The following SSH2 variants were observed in gnomAD, a reference collection of about 807,000 sequenced individuals.
The protein encoded by SSH2 is protein phosphatase Slingshot homolog 2.
SSH2 carries 37 observed loss-of-function variants against 135.2 expected under a neutral mutation model. The observed-to-expected ratio is 0.27, with a 90% CI of 0.21 to 0.36. The LOEUF is 0.36. Ranked by LOEUF, SSH2 falls within the 10% of genes least tolerant of loss-of-function variation. SSH2 has a pLI of 1.00. For synonymous variants in SSH2, 628 were observed against 646.2 expected (o/e 0.97, Z 0.43); for missense variants, 1,408 against 1,765.3 (o/e 0.80, Z 3.63).
intron 1 of SSH2, among the ~76,000 whole-genome samples, chr17:29,913,633 T>C (rs1255230072): frequency 6.6e-6 from 1 of 150,892 alleles, no homozygotes; most frequent in African/African-American, 2.4e-5. Flanking sequence ...TATATTTCTT[T>C]CTTTTTTCTT....
intron 14 of SSH2, chr17:29,640,773 G>A (rs2036125197): frequency 6.6e-6 from 1 of 152,050 alleles, no homozygotes; most frequent in Non-Finnish European, 1.5e-5. Context: ...CCCTACTCAA[G>A]GGTAACCTCC....
At chr17:29,739,251 T>C (rs1230044460) in intron 3 of SSH2, among the ~76,000 whole-genome samples, 11 of 152,154 alleles carry the variant, frequency 7.2e-5, no homozygotes, top group Non-Finnish European at 1.6e-4. Flanking sequence ...CCACTATCTA[T>C]TTAACTTCAC....
chr17:29,774,959 C>T lies in SSH2; in HGVS notation c.188+18935G>A, dbSNP rs554120826. On this transcript the variant is annotated intron_variant, in intron 3 of 15. Coordinates refer to ENST00000540801, the MANE Select transcript of SSH2 (RefSeq NM_001282129.2). The stretch of plus-strand genomic sequence containing the variant: ...CCATTTGCTCGCAGTATCCTATACT[C>T]GTTGTGCTCTCACTGCAGTTCCCTT... 3.9e-5 allele frequency among the ~76,000 whole-genome samples: 6 copies of T among 152,288 alleles called. No individual in the cohort carries two copies. The East Asian group carries it at 9.6e-4, about 24-fold the overall frequency.
chr17:29,928,806 C>T (rs920960434), intron 1 of SSH2, among the ~76,000 whole-genome samples: 1 of 113,982 alleles, frequency 8.8e-6, no homozygotes, highest in African/African-American at 2.8e-5. Context: ...TAAGGGTAAC[C>T]TGATGATTTT....
rs774967531 is a variant in SSH2 at position 29,667,102 on chromosome 17, GAACA to G, written c.903+24_903+27del. On this transcript the variant is annotated intron_variant, in intron 10 of 15. Transcript: ENST00000540801. Reference sequence around the variant, plus strand: ...TACTGTTATCCCACTGCTAGCCTTGGAACAAACAAGGACTCAAGGTCTCTTACCT... The same window carrying G: ...TACTGTTATCCCACTGCTAGCCTTGGAACAAGGACTCAAGGTCTCTTACCT... 5 of 1,602,914 alleles carry G rather than the reference GAACA, an allele frequency of 3.1e-6. No individual in the cohort carries two copies. In the African/African-American group the frequency reaches 6.7e-5, roughly 21 times the overall value.
intron 6 of SSH2, among the ~76,000 whole-genome samples, chr17:29,679,009 C>T (rs999664945): frequency 1.3e-5 from 2 of 152,114 alleles, no homozygotes; most frequent in African/African-American, 4.8e-5. Flanking sequence ...AGCCACTGCA[C>T]CCGGCCTAAA....
In SSH2 at chr17:29,724,549, A is replaced by AAAAC. The variant is rs756909002; in HGVS notation, c.189-21488_189-21487insGTTT. 2.7e-5 allele frequency among the ~76,000 whole-genome samples: 4 copies of AAAAC among 148,160 alleles called. No homozygotes were observed. In the East Asian group the frequency reaches 5.8e-4, roughly 22 times the overall value. On this transcript the variant is annotated intron_variant, in intron 3 of 15. Transcript: ENST00000540801. ...GTCTCAAAAAAAAAAAAAAAAAACA[A>AAAAC]AACCCTATTCTAAGGACCCAGATTA...
rs770934029 is a variant in SSH2, at chr17:29,632,755, A to C, written c.2439T>G (p.His813Gln). The stretch of plus-strand genomic sequence containing the variant: ...TCTGGGCCCTCTCAAGGAGCAGCTC[A>C]TGGATGCTGTTCTTCTTTGGTGTAT... Reference protein sequence around the residue: ...PCHTPKKNSIHELLLERAQTP... With the variant: ...PCHTPKKNSIQELLLERAQTP... Residue 813 changes from histidine to glutamine, a missense_variant, in exon 16 of 16, where the codon CAT (histidine) becomes CAG (glutamine). By Grantham distance (24) the His-to-Gln change is conservative (BLOSUM62 0). This residue lies in a region of SSH2 where 1,080 missense variants were observed against 1,144.5 expected (regional missense o/e 0.94). Coordinates refer to ENST00000540801, the MANE Select transcript of SSH2 (RefSeq NM_001282129.2). 9 of 1,614,200 alleles carry C rather than the reference A, an allele frequency of 5.6e-6. No individual in the cohort carries two copies. The highest frequency in any genetic ancestry group is 7.6e-6 in the Non-Finnish European group (9 of 1,180,024).
intron 3 of SSH2, among the ~76,000 whole-genome samples, chr17:29,777,350 T>A (rs1163652852): frequency 1.3e-5 from 2 of 152,176 alleles, no homozygotes; most frequent in Non-Finnish European, 2.9e-5. Flanking sequence ...ACATACATAC[T>A]TATGGATTAT....
At chr17:29,924,467 G>T (rs1178312030) in intron 1 of SSH2, among the ~76,000 whole-genome samples, 1 of 152,094 alleles carries the variant, frequency 6.6e-6, no homozygotes, top group South Asian at 2.1e-4. Flanking sequence ...AATCCTGATC[G>T]CTTAAATCAA....
At chr17:29,921,243 A>C (rs1318815319) in intron 1 of SSH2, among the ~76,000 whole-genome samples, 1 of 152,206 alleles carries the variant, frequency 6.6e-6, no homozygotes, top group Non-Finnish European at 1.5e-5. Flanking sequence ...TGCTTACGCC[A>C]CAGGAGTGAT....
At chr17:29,884,959 G>C (rs148536606) in intron 1 of SSH2, among the ~76,000 whole-genome samples, 9 of 152,218 alleles carry the variant, frequency 5.9e-5, no homozygotes, top group African/African-American at 1.9e-4. Flanking sequence ...GGTTACCTGT[G>C]GATGCTTGTA....
chr17:29,713,321 C>T (rs1265043097), intron 3 of SSH2, among the ~76,000 whole-genome samples: 3 of 152,042 alleles, frequency 2.0e-5, no homozygotes, highest in Non-Finnish European at 2.9e-5. Context: ...GGCAACAGAG[C>T]GAGACAGTGT....
chr17:29,739,487 T>C (rs2040485347), intron 3 of SSH2, among the ~76,000 whole-genome samples: 1 of 152,214 alleles, frequency 6.6e-6, no homozygotes, highest in Non-Finnish European at 1.5e-5. Context: ...TGATTCTATA[T>C]ATAAGGATCA....
intron 1 of SSH2, among the ~76,000 whole-genome samples, chr17:29,875,874 C>G (rs1376644557): frequency 1.3e-5 from 2 of 151,510 alleles, no homozygotes. Flanking sequence ...AATCTATGTA[C>G]TGCTCCCTAG....
At chr17:29,838,676 C>T (rs988698939) in intron 2 of SSH2, among the ~76,000 whole-genome samples, 13 of 152,076 alleles carry the variant, frequency 8.5e-5, no homozygotes, top group African/African-American at 2.7e-4. Context: ...TCGGGATGAC[C>T]TGCCTAGCAG....
chr17:29,756,018 C>T (rs967551635), intron 3 of SSH2, among the ~76,000 whole-genome samples: 1 of 149,754 alleles, frequency 6.7e-6, no homozygotes, highest in African/African-American at 2.4e-5. Context: ...GTAATCCCAG[C>T]ACTTTGGGAG....
Position 29,636,459 on chromosome 17 carries a change from T to G in SSH2, c.1771A>C (p.Lys591Gln). 6.2e-7 allele frequency: 1 copy of G among 1,614,226 alleles called. No homozygotes were observed. Among genetic ancestry groups the G allele is most frequent in the Non-Finnish European group, 8.5e-7 (1 of 1,180,030 alleles). Residue 591 changes from lysine (K) to glutamine (Q), a missense_variant, in exon 15 of 16, where the codon AAA (lysine) becomes CAA (glutamine). By Grantham distance (53) the Lys-to-Gln change is moderately conservative. This residue lies in a region of SSH2 where 1,080 missense variants were observed against 1,144.5 expected (regional missense o/e 0.94). Coordinates refer to ENST00000540801, the MANE Select transcript of SSH2 (RefSeq NM_001282129.2). ...GCATGGCAATTGTCAAGAGGAAATT[T>G]TGATTCATTCAGACAACACCCTGAT... Reference protein sequence around the residue: ...CSSGCCLNESKFPLDNCHASK... With the variant: ...CSSGCCLNESQFPLDNCHASK...
intron 11 of SSH2, among the ~76,000 whole-genome samples, chr17:29,658,470 T>C (rs1421715350): frequency 2.0e-5 from 3 of 152,212 alleles, no homozygotes; most frequent in Admixed American, 2.0e-4. Flanking sequence ...CATGCCACCA[T>C]ACCTGGCTTG....
Sources: gnomAD v4.1 joint callset for allele counts (sites outside exome capture counted in the v4.1 genomes callset) on GRCh38, gnomAD v4.1.1 for gene constraint, gnomAD v4.1.1 regional missense constraint, MANE v1.5 for transcripts, NCBI Gene and HGNC (gene_info 2026-07-23, HGNC 2026-07-21) for gene names.